The following RNF220 variants were observed in gnomAD, a reference collection of about 807,000 sequenced individuals.
RNF220 encodes ring finger protein 220.
In RNF220, 7 loss-of-function variants were observed where a neutral mutation model predicts 67.1. The observed-to-expected ratio is 0.10, with a 90% CI of 0.06 to 0.20. The LOEUF (loss-of-function observed/expected upper bound fraction) is 0.20, where lower values mean the gene tolerates loss of function less well. RNF220 is among the 10% of genes least tolerant of loss of function. The pLI, the probability that RNF220 is intolerant of heterozygous loss-of-function variation, is 1.00. For synonymous variants in RNF220, 270 were observed against 283.2 expected, an observed-to-expected ratio of 0.95 and a Z score of 0.47; for missense variants, 565 against 740.3, an observed-to-expected ratio of 0.76 and a Z score of 2.75.
intron 2 of RNF220, among the ~76,000 whole-genome samples, chr1:44,460,891 T>G (rs1446600117): frequency 6.6e-6 from 1 of 152,188 alleles, no homozygotes; most frequent in Non-Finnish European, 1.5e-5. Context: ...AGAGGAGACC[T>G]TCTGAGGGGT....
intron 2 of RNF220, among the ~76,000 whole-genome samples, chr1:44,444,312 T>A (rs979517469): frequency 6.6e-6 from 1 of 152,074 alleles, no homozygotes; most frequent in Non-Finnish European, 1.5e-5. Context: ...GAGATCATGT[T>A]TTTTTTTGTA....
intron 12 of RNF220, among the ~76,000 whole-genome samples, chr1:44,646,424 G>A (rs770040493): frequency 1.8e-4 from 28 of 152,280 alleles, no homozygotes; most frequent in Admixed American, 4.6e-4. Flanking sequence ...CGCAGGGCCC[G>A]GCTGCCCATG....
chr1:44,470,489 A>T (rs958164540), intron 2 of RNF220, among the ~76,000 whole-genome samples: 1 of 152,216 alleles, frequency 6.6e-6, no homozygotes, highest in Non-Finnish European at 1.5e-5. Flanking sequence ...GGATACACAC[A>T]ATTCCCCCTT....
At chr1:44,529,395 A>G (rs1395615744) in intron 2 of RNF220, among the ~76,000 whole-genome samples, 1 of 151,832 alleles carries the variant, frequency 6.6e-6, no homozygotes, top group African/African-American at 2.4e-5. Context: ...ATTTTTAGAC[A>G]GAGTCTCGCT....
intron 2 of RNF220, among the ~76,000 whole-genome samples, chr1:44,519,339 A>G (rs1162499821): frequency 6.6e-6 from 1 of 152,228 alleles, no homozygotes; most frequent in African/African-American, 2.4e-5. Context: ...AGACAAAGTC[A>G]AGAAAGGGAA....
chr1:44,646,370 C>T (rs916743161), intron 12 of RNF220, among the ~76,000 whole-genome samples: 2 of 152,244 alleles, frequency 1.3e-5, no homozygotes, highest in East Asian at 1.9e-4. Flanking sequence ...CAGTTTATCT[C>T]GGCCGGGGCC....
chr1:44,525,645 C>A (rs1660312086), intron 2 of RNF220, among the ~76,000 whole-genome samples: 1 of 152,162 alleles, frequency 6.6e-6, no homozygotes, highest in Non-Finnish European at 1.5e-5. Context: ...CTGTCATCTG[C>A]TGATGACATC....
chr1:44,533,820 T>C (rs1412242534), intron 2 of RNF220, among the ~76,000 whole-genome samples: 2 of 152,160 alleles, frequency 1.3e-5, no homozygotes, highest in Non-Finnish European at 2.9e-5. Context: ...AGTAGAGGGA[T>C]CAGAATGAGC....
chr1:44,461,015 C>T (rs1211933050), intron 2 of RNF220, among the ~76,000 whole-genome samples: 1 of 152,300 alleles, frequency 6.6e-6, no homozygotes, highest in East Asian at 1.9e-4. Flanking sequence ...AGGAACCTTC[C>T]TGGGACATTC....
At chr1:44,620,623 G>A (rs1276052622) in intron 3 of RNF220, among the ~76,000 whole-genome samples, 1 of 152,236 alleles carries the variant, frequency 6.6e-6, no homozygotes, top group Non-Finnish European at 1.5e-5. Context: ...TAATTGAATG[G>A]AACCTGTTGT....
chr1:44,612,601 C>T (rs1015216864), intron 2 of RNF220, among the ~76,000 whole-genome samples: 1 of 152,124 alleles, frequency 6.6e-6, no homozygotes, highest in Non-Finnish European at 1.5e-5. Context: ...GAACTTGAGG[C>T]TTCCTCAAGT....
intron 2 of RNF220, among the ~76,000 whole-genome samples, chr1:44,420,558 A>G (rs1649095200): frequency 1.3e-5 from 2 of 152,172 alleles, no homozygotes; most frequent in Admixed American, 6.5e-5. Context: ...TAGCATAATA[A>G]ATACCTGTTA....
Position 44,413,183 on chromosome 1 carries a change from T to C in RNF220, c.625+461T>C, listed in dbSNP as rs143172965. ...ATCACATCCAGCAGACTCCACGTGA[T>C]TCTATTTTCACAACTCTCAGCCCTT... On this transcript the variant is annotated intron_variant, in intron 2 of 14. Transcript: ENST00000361799. Among the ~76,000 whole-genome samples the C allele has an allele frequency of 9.5e-4, 145 of 152,338 alleles. 1 individual carries two copies. Among genetic ancestry groups the C allele is most frequent in the African/African-American group, 3.4e-3 (143 of 41,572 alleles).
At chr1:44,541,534 A>C (rs1661674484) in intron 2 of RNF220, among the ~76,000 whole-genome samples, 2 of 152,250 alleles carry the variant, frequency 1.3e-5, no homozygotes, top group African/African-American at 4.8e-5. Flanking sequence ...ACCGTACCAC[A>C]TTGTCTCCTA....
At chr1:44,432,054 C>A (rs552383496) in intron 2 of RNF220, among the ~76,000 whole-genome samples, 3 of 152,298 alleles carry the variant, frequency 2.0e-5, no homozygotes, top group Admixed American at 6.5e-5. Flanking sequence ...TCTTGGAATT[C>A]CCCTTACCGT....
chr1:44,508,558 T>C (rs1658658768), intron 2 of RNF220, among the ~76,000 whole-genome samples: 1 of 152,228 alleles, frequency 6.6e-6, no homozygotes, highest in Non-Finnish European at 1.5e-5. Flanking sequence ...GCGTTTGCTC[T>C]AAAGGCCTTT....
Position 44,519,004 on chromosome 1 carries a change from G to A in RNF220, c.626-95161G>A, listed in dbSNP as rs930803322. Among the ~76,000 whole-genome samples the A allele has an allele frequency of 1.8e-4, 28 of 151,896 alleles. 1 individual carries two copies. Among genetic ancestry groups the A allele is most frequent in the African/African-American group, 6.0e-4 (25 of 41,438 alleles). On this transcript the variant is annotated intron_variant, in intron 2 of 14. Coordinates refer to ENST00000361799, the MANE Select transcript of RNF220 (RefSeq NM_018150.4). ...GGTAGATGCTCAATAAATAATGAAT[G>A]AACGAACAAATGAACCATGAGAAAC...
At chr1:44,576,088 A>T (rs1013458469) in intron 2 of RNF220, among the ~76,000 whole-genome samples, 3 of 152,238 alleles carry the variant, frequency 2.0e-5, no homozygotes, top group Non-Finnish European at 4.4e-5. Context: ...ACTTCATCAG[A>T]GCAACAAATT....
At chr1:44,424,807 G>A (rs900572209) in intron 2 of RNF220, among the ~76,000 whole-genome samples, 67 of 152,214 alleles carry the variant, frequency 4.4e-4, no homozygotes, top group African/African-American at 1.5e-3. Flanking sequence ...TGATGAGGTG[G>A]CCCAGCGGAG....
Sources: allele counts gnomAD v4.1 joint callset (sites outside exome capture counted in the v4.1 genomes callset), GRCh38; gene constraint gnomAD v4.1.1; transcripts MANE v1.5; gene names NCBI Gene and HGNC (gene_info 2026-07-23, HGNC 2026-07-21).